ZAP70: variants seen among roughly 807,000 people sequenced by gnomAD.
The protein encoded by ZAP70 is zeta chain of T cell receptor associated protein kinase 70, also known as tyrosine-protein kinase ZAP-70.
Under a neutral mutation model 65.8 loss-of-function variants are expected in ZAP70, and 27 were observed. The observed-to-expected ratio is 0.41, with a 90% CI of 0.30 to 0.57. ZAP70 has a LOEUF of 0.57. Among genes scored for constraint, ZAP70 ranks in the 20% least tolerant of loss-of-function variants. ZAP70 has a pLI of 0.28. For missense variants in ZAP70, 696 were observed against 870.5 expected (o/e 0.80, Z 2.52); for synonymous variants, 363 against 360.8 (o/e 1.01, Z -0.07).
chr2:97,754,737 A>C, the ZAP70 span, among the ~76,000 whole-genome samples: 1 of 152,118 alleles, frequency 6.6e-6, no homozygotes, highest in Admixed American at 6.5e-5. Context: ...GGTTTATATG[A>C]AGCTCACCTG....
chr2:97,733,081 T>A, intron 5 of ZAP70, 44 bp from the exon 6 acceptor site: 1 of 1,613,914 alleles, frequency 6.2e-7, no homozygotes, highest in Non-Finnish European at 8.5e-7. Context: ...TGCCGGGCTC[T>A]GGGGAGGAGA....
At chr2:97,751,227 A>G in the ZAP70 span, among the ~76,000 whole-genome samples, 2 of 152,250 alleles carry the variant, frequency 1.3e-5, no homozygotes, top group African/African-American at 4.8e-5. Context: ...TATTATTATA[A>G]TAGCAATAAA....
the ZAP70 span, among the ~76,000 whole-genome samples, chr2:97,749,135 G>A: frequency 4.7e-5 from 7 of 148,606 alleles, no homozygotes; most frequent in Admixed American, 1.4e-4. Flanking sequence ...TCAGCCTCCC[G>A]AGTAGCTGAG....
intron 2 of ZAP70, among the ~76,000 whole-genome samples, chr2:97,720,031 G>T (rs533553360): frequency 6.6e-6 from 1 of 152,138 alleles, no homozygotes; most frequent in African/African-American, 2.4e-5. Context: ...TCCACTTACC[G>T]CGGAGTAGAA....
chr2:97,747,815 G>GTTTTTTTT, the ZAP70 span, among the ~76,000 whole-genome samples: 541 of 54,882 alleles, frequency 9.9e-3, 46 homozygotes, highest in African/African-American at 0.011. Context: ...CTGGCACGAG[G>GTTTTTTTT]TTTTTTTTTT....
At chr2:97,745,883 G>A in the ZAP70 span, among the ~76,000 whole-genome samples, 1 of 152,218 alleles carries the variant, frequency 6.6e-6, no homozygotes, top group Non-Finnish European at 1.5e-5. Context: ...ATTCACGATA[G>A]CCAAAAGGTT....
intron 4 of ZAP70, among the ~76,000 whole-genome samples, chr2:97,729,672 G>A (rs895932710): frequency 6.6e-6 from 1 of 151,266 alleles, no homozygotes; most frequent in Admixed American, 6.6e-5. Flanking sequence ...TGTACTTCTG[G>A]CTTAAGTGCA....
chr2:97,716,583 G>A (rs1399635624), intron 2 of ZAP70, among the ~76,000 whole-genome samples: 1 of 152,186 alleles, frequency 6.6e-6, no homozygotes, highest in Non-Finnish European at 1.5e-5. Context: ...TAAAGTGGAA[G>A]GTGTTGGAGG....
chr2:97,737,049 A>G lies in ZAP70; in HGVS notation c.1290-424A>G, dbSNP rs1421928097. 6.6e-6 allele frequency among the ~76,000 whole-genome samples: 1 copy of G among 152,018 alleles called. No individual in the cohort carries two copies. Among genetic ancestry groups the G allele is most frequent in the African/African-American group, 2.4e-5 (1 of 41,376 alleles). ...GAGGAGTGCGGTGGATTCTGGAGAG[A>G]TTCTGACACCAGAACTGCCAGGGTT... On this transcript the variant is annotated intron_variant, in intron 10 of 13. Transcript: ENST00000264972. The surrounding 1 kb of genome is among the most constrained non-coding windows in gnomAD (Gnocchi z 5.0).
Position 97,734,554 on chromosome 2 carries a change from G to A in ZAP70, c.924G>A (p.Met308Ile). Residue 308 changes from methionine to isoleucine, a missense_variant, in exon 9 of 14, where the codon ATG becomes ATA. By Grantham distance (10) the Met-to-Ile change is conservative. Around this residue, in one of 3 missense-constraint regions of ZAP70, gnomAD observed 551 missense variants for 630.0 expected, o/e 0.87. Transcript: ENST00000264972. ...CGTCCCCAGACAAACCGCGGCCGAT[G>A]CCCATGGACACGAGCGTGTATGAGA... ...RITSPDKPRP[M>I]PMDTSVYESP... 1 of 1,614,126 alleles carries A rather than the reference G, an allele frequency of 6.2e-7. No individual in the cohort carries two copies. Among genetic ancestry groups the A allele is most frequent in the Middle Eastern group, 1.6e-4 (1 of 6,062 alleles).
rs77958564 is a variant in ZAP70, at chr2:97,718,931, G to A, written c.-22+4937G>A. Among the ~76,000 whole-genome samples, 1,079 of 152,316 alleles carry A rather than the reference G, an allele frequency of 7.1e-3. 15 individuals carry two copies. Among genetic ancestry groups the A allele is most frequent in the African/African-American group, 0.024 (1,008 of 41,554 alleles). ...GGCTGGCTGGGTTGGAGAAGATGGA[G>A]GGGAGAGGGAAGGGTGCACTAGGTG... On this transcript the variant is annotated intron_variant, in intron 2 of 13. Transcript: ENST00000264972.
Position 97,738,125 on chromosome 2 carries a change from G to A in ZAP70, c.1736+18G>A, listed in dbSNP as rs777114665. 5.1e-6 allele frequency: 8 copies of A among 1,579,162 alleles called. No homozygotes were observed. The South Asian group carries it at 8.0e-5, about 16-fold the overall frequency. ...ATCTACAAGTGAGTGCCAGTGGGGA[G>A]GGGACCCGGCTGGGCTGACCCCTGG... is the stretch of plus-strand genomic sequence containing the variant. On this transcript the variant is annotated intron_variant, in intron 13 of 13. Transcript: ENST00000264972.
intron 2 of ZAP70, among the ~76,000 whole-genome samples, chr2:97,718,943 G>A (rs1397394209): frequency 6.6e-6 from 1 of 152,206 alleles, no homozygotes; most frequent in Non-Finnish European, 1.5e-5. Flanking sequence ...GGAGAGGGAA[G>A]GGTGCACTAG....
Position 97,737,786 on chromosome 2 carries a change from G to A in ZAP70, c.1512G>A (p.Lys504=), listed in dbSNP as rs762187360. The A allele has an allele frequency of 2.5e-6, 4 of 1,614,162 alleles. No homozygotes were observed. Among genetic ancestry groups the A allele is most frequent in the South Asian group, 1.1e-5 (1 of 91,082 alleles). Residue 504 remains lysine (K), a synonymous_variant, in exon 12 of 14, where the codon AAG becomes AAA. Transcript: ENST00000264972. The surrounding 1 kb of genome is among the most constrained non-coding windows in gnomAD (Gnocchi z 5.0). Reference sequence around the variant, plus strand: ...GCTCAGCAGGGAAGTGGCCGCTCAAGTGGTACGCACCCGAATGCATCAACT... The same window carrying A: ...GCTCAGCAGGGAAGTGGCCGCTCAAATGGTACGCACCCGAATGCATCAACT... ...TARSAGKWPL[K]WYAPECINFR...
At chr2:97,748,241 C>A in the ZAP70 span, among the ~76,000 whole-genome samples, 1 of 152,162 alleles carries the variant, frequency 6.6e-6, no homozygotes, top group African/African-American at 2.4e-5. Flanking sequence ...TGGGGCTAAA[C>A]CCAGAATGGT....
intron 2 of ZAP70, among the ~76,000 whole-genome samples, chr2:97,718,234 G>A (rs1260297335): frequency 6.6e-6 from 1 of 152,206 alleles, no homozygotes; most frequent in Non-Finnish European, 1.5e-5. Context: ...CAGGGACACA[G>A]CTGAGAACAG....
intron 4 of ZAP70, 100 bp from the exon 5 acceptor site, chr2:97,732,783 T>C: frequency 6.5e-7 from 1 of 1,537,674 alleles, no homozygotes. Flanking sequence ...TGCAAGGCTC[T>C]GAGGTGTGGA....
At position 97,735,277 on chromosome 2, in the gene ZAP70, G is replaced by A. The variant is rs771574897; in HGVS notation, c.1110G>A (p.Val370=). ...RKKQIDVAIK[V]LKQGTEKADT... is the part of the protein sequence containing the mutation. ...AGCAGATCGACGTGGCCATCAAGGT[G>A]CTGAAGCAGGGCACGGAGAAGGCAG... Residue 370 remains valine, a synonymous_variant, in exon 10 of 14, where the codon GTG becomes GTA. Transcript: ENST00000264972. 1.3e-5 allele frequency: 21 copies of A among 1,613,934 alleles called. No individual in the cohort carries two copies. The highest frequency in any genetic ancestry group is 1.8e-5 in the Non-Finnish European group (21 of 1,179,966).
At chr2:97,738,228 C>T (rs1677993757) in intron 13 of ZAP70, 121 bp downstream of exon 13, 1 of 1,045,658 alleles carries the variant, frequency 9.6e-7, no homozygotes, top group Non-Finnish European at 1.4e-6. Flanking sequence ...TCACCCAGTT[C>T]ATAGCCTTTG....
Sources: gnomAD v4.1 joint callset for allele counts (sites outside exome capture counted in the v4.1 genomes callset) on GRCh38, gnomAD v4.1.1 for gene constraint, gnomAD v4.1.1 regional missense constraint, Gnocchi (gnomAD v3.1) non-coding constraint, MANE v1.5 for transcripts, NCBI Gene and HGNC (gene_info 2026-07-23, HGNC 2026-07-21) for gene names.